TPP2: variants seen among roughly 807,000 people sequenced by gnomAD.
TPP2 encodes tripeptidyl peptidase 2.
TPP2 carries 34 observed loss-of-function variants against 155.9 expected under a neutral mutation model. The observed-to-expected ratio is 0.22, with a 90% CI of 0.17 to 0.29. The LOEUF (loss-of-function observed/expected upper bound fraction) is 0.29, where lower values mean the gene tolerates loss of function less well. TPP2 is among the 10% of genes least tolerant of loss of function. The pLI, the probability that TPP2 is intolerant of heterozygous loss-of-function variation, is 1.00. For missense variants in TPP2, 1,028 were observed against 1,522.3 expected, an observed-to-expected ratio of 0.68 and a Z score of 5.40; for synonymous variants, 510 against 529.4, an observed-to-expected ratio of 0.96 and a Z score of 0.50.
intron 24 of TPP2, among the ~76,000 whole-genome samples, chr13:102,654,634 A>G (rs1305238825): frequency 6.6e-6 from 1 of 152,148 alleles, no homozygotes; most frequent in Non-Finnish European, 1.5e-5. Flanking sequence ...TCTCTCCCTG[A>G]TACGGTGAGG....
At chr13:102,620,964 AAG>A (rs911853786) in intron 5 of TPP2, among the ~76,000 whole-genome samples, 31 of 151,832 alleles carry the variant, frequency 2.0e-4, no homozygotes, top group Admixed American at 1.8e-3. Flanking sequence ...CATAAAACAA[AAG>A]CCTTTTCTCT....
chr13:102,632,574 A>G (rs1882091516), intron 10 of TPP2, among the ~76,000 whole-genome samples: 1 of 152,230 alleles, frequency 6.6e-6, no homozygotes, highest in African/African-American at 2.4e-5. Flanking sequence ...TTAAACATCT[A>G]GAAATGCTTT....
intron 13 of TPP2, 131 bp from the exon 14 acceptor site, chr13:102,636,951 A>T: frequency 3.7e-6 from 3 of 811,500 alleles, no homozygotes; most frequent in Non-Finnish European, 5.7e-6. Flanking sequence ...TGTTTTATTT[A>T]AGCTGTGTTT....
intron 10 of TPP2, among the ~76,000 whole-genome samples, chr13:102,630,408 T>G (rs1881941367): frequency 6.6e-6 from 1 of 152,220 alleles, no homozygotes. Flanking sequence ...ATCACTATTC[T>G]GAGTATAAAT....
chr13:102,678,006 A>T (rs1444460923), intron 29 of TPP2, among the ~76,000 whole-genome samples: 1 of 152,166 alleles, frequency 6.6e-6, no homozygotes, highest in Non-Finnish European at 1.5e-5. Flanking sequence ...GTTGGTAGGG[A>T]TAATGATGAG....
chr13:102,615,955 CTT>C (rs34368820), intron 3 of TPP2, among the ~76,000 whole-genome samples: 1 of 147,926 alleles, frequency 6.8e-6, no homozygotes, highest in Non-Finnish European at 1.5e-5. Flanking sequence ...TCATTAGAAA[CTT>C]TTTTTTTTTT....
chr13:102,661,950 A>C (rs683414), intron 25 of TPP2, among the ~76,000 whole-genome samples: 3 of 152,106 alleles, frequency 2.0e-5, no homozygotes, highest in African/African-American at 7.2e-5. Flanking sequence ...ATAAAAACCT[A>C]TATTCACACA....
intron 17 of TPP2, 114 bp downstream of exon 17, chr13:102,643,490 TA>T: frequency 9.1e-7 from 1 of 1,093,388 alleles, no homozygotes. Context: ...GTTGGGATTA[TA>T]TATTTTTTTA....
rs1885501853 is a variant in TPP2, at chr13:102,679,546, C to T, written c.*1230C>T. On this transcript the variant is annotated 3_prime_UTR_variant, in exon 30 of 30. Transcript: ENST00000376052. ...ACTACCAGTAATCCTTAGTCACTCC[C>T]AACTGTTTCTGCTGTATCTCATGAA... The T allele has an allele frequency of 6.6e-6, 1 of 152,146 alleles. No homozygotes were observed. Among genetic ancestry groups the T allele is most frequent in the African/African-American group, 2.4e-5 (1 of 41,444 alleles). The allele number at this position is 152,146 out of a possible 1,614,324, so 9.4% of individuals were successfully genotyped here. A position where few individuals can be genotyped will look rare whatever the true frequency, so the allele number is the denominator to read the frequency against.
intron 24 of TPP2, 122 bp from the exon 25 acceptor site, chr13:102,656,934 T>C: frequency 9.6e-7 from 1 of 1,038,006 alleles, no homozygotes; most frequent in Non-Finnish European, 1.4e-6. Context: ...CCTTAGAATC[T>C]AGAATACAGT....
chr13:102,620,961 C>CAA, intron 5 of TPP2, among the ~76,000 whole-genome samples: 1 of 140,338 alleles, frequency 7.1e-6, no homozygotes, highest in East Asian at 1.9e-4. Flanking sequence ...ATACATAAAA[C>CAA]AAAAGCCTTT....
At chr13:102,626,335 A>G (rs1253113202) in intron 6 of TPP2, among the ~76,000 whole-genome samples, 1 of 152,162 alleles carries the variant, frequency 6.6e-6, no homozygotes, top group Non-Finnish European at 1.5e-5. Context: ...CTCATAGTAC[A>G]TAGTAGTAGT....
intron 2 of TPP2, among the ~76,000 whole-genome samples, chr13:102,613,026 C>T (rs764199345): frequency 5.9e-5 from 9 of 152,086 alleles, no homozygotes; most frequent in Non-Finnish European, 8.8e-5. Context: ...ATTGTTTTGC[C>T]GTGGGCTGTT....
intron 2 of TPP2, among the ~76,000 whole-genome samples, chr13:102,611,170 A>G (rs939395321): frequency 2.6e-5 from 4 of 152,180 alleles, no homozygotes; most frequent in African/African-American, 7.2e-5. Flanking sequence ...GCAATATGCC[A>G]TGGTTTGTAC....
intron 2 of TPP2, among the ~76,000 whole-genome samples, chr13:102,605,143 T>C (rs961649775): frequency 2.2e-5 from 3 of 135,224 alleles, no homozygotes; most frequent in Non-Finnish European, 4.9e-5. Context: ...GCCCTGGAGG[T>C]TGCAAATGGT....
At chr13:102,644,739 T>C (rs879152282) in intron 18 of TPP2, 66 bp downstream of exon 18, 2 of 1,466,874 alleles carry the variant, frequency 1.4e-6, no homozygotes, top group Non-Finnish European at 9.4e-7. Context: ...AGTAACTTCA[T>C]TGGTTAGATT....
rs1235907925 is a variant in TPP2, at chr13:102,622,913, T to A, written c.657T>A (p.Ser219Arg). 1.9e-6 allele frequency: 3 copies of A among 1,613,920 alleles called. No individual in the cohort carries two copies. In the East Asian group the frequency reaches 6.7e-5, roughly 36 times the overall value. ...ATTCTAATGAAGATGGGGACTTGAG[T>A]AAATCTACCGTGTTGAGAAACTACA... The part of the protein sequence containing the change: ...CIDSNEDGDL[S>R]KSTVLRNYKE... Residue 219 changes from serine to arginine, a missense_variant, in exon 6 of 30, where the codon AGT (serine) becomes AGA (arginine). Physicochemically the swap from Ser to Arg is moderately radical, Grantham distance 110 (BLOSUM62 -1). Around this residue, in one of 7 missense-constraint regions of TPP2, gnomAD observed 300 missense variants for 398.3 expected, o/e 0.75. Coordinates refer to ENST00000376052, the MANE Select transcript of TPP2 (RefSeq NM_001330588.2).
At chr13:102,668,880 T>C (rs776601188) in intron 27 of TPP2, among the ~76,000 whole-genome samples, 1 of 152,198 alleles carries the variant, frequency 6.6e-6, no homozygotes, top group African/African-American at 2.4e-5. Flanking sequence ...AGGTAATGTC[T>C]GGGGTTTGTG....
At chr13:102,601,468 A>G (rs1193355118) in intron 1 of TPP2, among the ~76,000 whole-genome samples, 4 of 152,172 alleles carry the variant, frequency 2.6e-5, no homozygotes, top group Non-Finnish European at 5.9e-5. Context: ...TACTGGTTAC[A>G]TTGAAGACAT....
Sources: gnomAD v4.1 joint callset for allele counts (sites outside exome capture counted in the v4.1 genomes callset) on GRCh38, gnomAD v4.1.1 for gene constraint, gnomAD v4.1.1 regional missense constraint, MANE v1.5 for transcripts, NCBI Gene and HGNC (gene_info 2026-07-23, HGNC 2026-07-21) for gene names.